ROBO2: variants seen among roughly 807,000 people sequenced by gnomAD.
The protein encoded by ROBO2 is roundabout guidance receptor 2.
A neutral mutation model predicts 160.8 loss-of-function variants in ROBO2; 53 were observed. That is an observed-to-expected ratio of 0.33 (90% CI 0.26 to 0.41). ROBO2 has a LOEUF of 0.41. Among genes scored for constraint, ROBO2 ranks in the 10% least tolerant of loss-of-function variants. ROBO2 has a pLI of 1.00. For synonymous variants in ROBO2, 664 were observed against 611.7 expected (o/e 1.09, Z -1.26); for missense variants, 1,577 against 1,722.4 (o/e 0.92, Z 1.49).
chr3:76,821,782 G>C (rs1271969165), intron 2 of ROBO2, among the ~76,000 whole-genome samples: 3 of 151,968 alleles, frequency 2.0e-5, no homozygotes, highest in African/African-American at 7.2e-5. Context: ...ATGTTCTGCT[G>C]TGTGTGCCAT....
intron 2 of ROBO2, among the ~76,000 whole-genome samples, chr3:76,419,642 T>G (rs2108910400): frequency 6.6e-6 from 1 of 152,268 alleles, no homozygotes; most frequent in African/African-American, 2.4e-5. Flanking sequence ...TTTCTCTGTC[T>G]ATTGAGGAAA....
intron 1 of ROBO2, among the ~76,000 whole-genome samples, chr3:77,041,430 T>C (rs1186655564): frequency 6.6e-6 from 1 of 152,196 alleles, no homozygotes; most frequent in Non-Finnish European, 1.5e-5. Flanking sequence ...GCATCAGCTA[T>C]GGGCTGGCCA....
At position 76,272,898 on chromosome 3, in the gene ROBO2, A is replaced by G. The variant is rs1277307316; in HGVS notation, c.109+335296A>G. The stretch of plus-strand genomic sequence containing the variant: ...AATATATATTTATATATAAAAATAT[A>G]ATATATATTTATATATAAAATATAT... On this transcript the variant is annotated intron_variant, in intron 2 of 26. Coordinates refer to the ROBO2 transcript ENST00000487694. Among the ~76,000 whole-genome samples the G allele has an allele frequency of 1.0e-3, 58 of 57,132 alleles. 4 individuals are homozygous for G. The highest frequency in any genetic ancestry group is 1.8e-3 in the African/African-American group (30 of 16,454). 37.5% of individuals were successfully genotyped at this position (57,132 alleles called of 152,430 possible).
chr3:77,507,559 C>A (rs1284415402), intron 5 of ROBO2, among the ~76,000 whole-genome samples: 2 of 152,140 alleles, frequency 1.3e-5, no homozygotes, highest in African/African-American at 4.8e-5. Flanking sequence ...TGGATGTGAT[C>A]CCTAAAGTCC....
rs958404826 is a variant in ROBO2, at chr3:76,375,680, T to TA, written c.109+438086dup. ...CACTTACATAACATAGAAGATAGAT[T>TA]AAAAAAAACTAGTTGCAAGTAAAGT... On this transcript the variant is annotated intron_variant, in intron 2 of 26. Coordinates refer to the ROBO2 transcript ENST00000487694. Among the ~76,000 whole-genome samples the TA allele has an allele frequency of 5.9e-5, 9 of 151,686 alleles. No homozygotes were observed. In the South Asian group the frequency reaches 6.2e-4, roughly 10 times the overall value.
chr3:77,524,472 A>C (rs2090938215), intron 6 of ROBO2, among the ~76,000 whole-genome samples: 1 of 151,334 alleles, frequency 6.6e-6, no homozygotes, highest in African/African-American at 2.4e-5. Flanking sequence ...CTTTTTTTCT[A>C]AAGTAAATGG....
intron 2 of ROBO2, among the ~76,000 whole-genome samples, chr3:77,219,468 G>GTATA (rs34026358): frequency 8.2e-6 from 1 of 122,238 alleles, no homozygotes; most frequent in African/African-American, 3.0e-5. Context: ...ATGTATCTGT[G>GTATA]TATATATATA....
chr3:75,918,008 A>G (rs1241702860), intron 1 of ROBO2, among the ~76,000 whole-genome samples: 1 of 151,844 alleles, frequency 6.6e-6, no homozygotes, highest in African/African-American at 2.4e-5. Context: ...GTGATAGTTT[A>G]TTTTACTGAG....
chr3:77,519,436 G>A (rs1351107540), intron 5 of ROBO2, among the ~76,000 whole-genome samples: 1 of 151,092 alleles, frequency 6.6e-6, no homozygotes, highest in South Asian at 2.1e-4. Context: ...GAGGTTTGGG[G>A]TACAAATTGT....
chr3:77,598,984 T>A (rs1461042877), intron 19 of ROBO2, among the ~76,000 whole-genome samples: 1 of 152,164 alleles, frequency 6.6e-6, no homozygotes, highest in Non-Finnish European at 1.5e-5. Flanking sequence ...ACAGGCTACC[T>A]TAACGTCTAA....
chr3:76,086,977 A>T (rs1017799065), intron 2 of ROBO2, among the ~76,000 whole-genome samples: 60 of 152,156 alleles, frequency 3.9e-4, no homozygotes, highest in African/African-American at 1.4e-3. Context: ...TGACTACAGA[A>T]ACTTCCAAAA....
chr3:77,449,578 G>C (rs139153089), intron 2 of ROBO2, among the ~76,000 whole-genome samples: 4 of 151,984 alleles, frequency 2.6e-5, no homozygotes, highest in East Asian at 1.9e-4. Context: ...GTTTCCATTA[G>C]AGTTCACTGA....
At chr3:76,747,529 C>T (rs947429388) in intron 2 of ROBO2, among the ~76,000 whole-genome samples, 1 of 151,872 alleles carries the variant, frequency 6.6e-6, no homozygotes, top group Non-Finnish European at 1.5e-5. Flanking sequence ...GACTTTTGCA[C>T]CTTGTCATGA....
chr3:77,379,341 T>C (rs993555497), intron 2 of ROBO2, among the ~76,000 whole-genome samples: 16 of 152,202 alleles, frequency 1.1e-4, no homozygotes, highest in Admixed American at 3.3e-4. Context: ...ATATGGTGAC[T>C]TAATTTTGTA....
intron 2 of ROBO2, among the ~76,000 whole-genome samples, chr3:77,349,524 G>C (rs2068068721): frequency 6.6e-6 from 1 of 152,112 alleles, no homozygotes; most frequent in Non-Finnish European, 1.5e-5. Context: ...ACCTTAAAGA[G>C]CTAGAAATGC....
At chr3:76,764,747 A>G (rs2061485195) in intron 2 of ROBO2, among the ~76,000 whole-genome samples, 1 of 151,406 alleles carries the variant, frequency 6.6e-6, no homozygotes, top group African/African-American at 2.4e-5. Context: ...CTAACCTCAA[A>G]CTTTTTCAGC....
intron 2 of ROBO2, among the ~76,000 whole-genome samples, chr3:76,912,531 A>G (rs1012354773): frequency 2.0e-5 from 3 of 152,196 alleles, no homozygotes; most frequent in African/African-American, 7.2e-5. Context: ...CTTTATCAGC[A>G]TGTAATAATC....
At chr3:77,625,419 C>G (rs2094992243) in intron 23 of ROBO2, among the ~76,000 whole-genome samples, 1 of 151,728 alleles carries the variant, frequency 6.6e-6, no homozygotes, top group East Asian at 1.9e-4. Context: ...CACTCTATCG[C>G]CAGGCTGGAG....
intron 2 of ROBO2, among the ~76,000 whole-genome samples, chr3:77,102,663 T>C (rs2072136587): frequency 1.3e-5 from 2 of 152,146 alleles, no homozygotes; most frequent in Non-Finnish European, 2.9e-5. Context: ...TTGATAACCA[T>C]CTGTCTTGAC....
Sources: allele counts gnomAD v4.1 joint callset (sites outside exome capture counted in the v4.1 genomes callset), GRCh38; gene constraint gnomAD v4.1.1; transcripts MANE v1.5; gene names NCBI Gene and HGNC (gene_info 2026-07-23, HGNC 2026-07-21).